NDRG4: variants seen among roughly 807,000 people sequenced by gnomAD.
The protein encoded by NDRG4 is protein NDRG4.
A neutral mutation model predicts 55.8 loss-of-function variants in NDRG4; 38 were observed. That is an observed-to-expected ratio of 0.68 (90% CI 0.53 to 0.89). The LOEUF (loss-of-function observed/expected upper bound fraction) is 0.89, where lower values mean the gene tolerates loss of function less well. Among genes scored for constraint, NDRG4 ranks in the 40% least tolerant of loss-of-function variants. The pLI is 0.00. For synonymous variants in NDRG4, 190 were observed against 182.7 expected (o/e 1.04, Z -0.32); for missense variants, 455 against 468.6 (o/e 0.97, Z 0.27).
chr16:58,505,120 T>C lies in NDRG4; in HGVS notation c.372+471T>C, dbSNP rs369762889. ...ATCCCAGCACTTTGGGAGGCCAAGGTGGGCAGATCACGAGGTCAGGAGATC... is the reference window on the plus strand; with the variant it reads ...ATCCCAGCACTTTGGGAGGCCAAGGCGGGCAGATCACGAGGTCAGGAGATC... On this transcript the variant is annotated intron_variant, in intron 5 of 14. Transcript: ENST00000570248. 1.6e-3 allele frequency among the ~76,000 whole-genome samples: 236 copies of C among 152,214 alleles called. No homozygotes were observed. In the East Asian group the frequency reaches 0.019, roughly 12 times the overall value.
At chr16:58,483,141 C>A (rs770416764) in intron 1 of NDRG4, among the ~76,000 whole-genome samples, 2 of 152,110 alleles carry the variant, frequency 1.3e-5, no homozygotes, top group Non-Finnish European at 2.9e-5. Context: ...AATTTGTTCT[C>A]CCGATTCAGC....
intron 2 of NDRG4, chr16:58,487,953 A>T: frequency 1.2e-6 from 1 of 844,084 alleles, no homozygotes. Flanking sequence ...CCCTAGGGCC[A>T]GCCACACCGA....
Position 58,464,750 on chromosome 16 carries a change from G to A in NDRG4, c.-24+953G>A. ...CGGAGCTCGGATTAGGACCCTGAAA[G>A]CTAGCTCAGGGCTCCTGCCCTCCAA... On this transcript the variant is annotated intron_variant, in intron 1 of 15. Coordinates refer to the NDRG4 transcript ENST00000258187. The surrounding 1 kb of genome is among the most constrained non-coding windows in gnomAD (Gnocchi z 4.8). 7.8e-7 allele frequency: 1 copy of A among 1,277,396 alleles called. No individual in the cohort carries two copies. Among genetic ancestry groups the A allele is most frequent in the Non-Finnish European group, 9.9e-7 (1 of 1,013,858 alleles). The allele number at this position is 1,277,396 out of a possible 1,614,324, so 79.1% of individuals were successfully genotyped here.
chr16:58,482,705 C>CTTCCTTCCTCCCTCCCTCCT (rs1567580773), intron 1 of NDRG4, among the ~76,000 whole-genome samples: 1 of 34,832 alleles, frequency 2.9e-5, no homozygotes, highest in Admixed American at 4.4e-4. Flanking sequence ...TCCTCCCTCC[C>CTTCCTTCCTCCCTCCCTCCT]TCCTTTCCTT....
At chr16:58,510,542 C>T in intron 13 of NDRG4, 103 bp from the exon 14 acceptor site, 1 of 991,488 alleles carries the variant, frequency 1.0e-6, no homozygotes, top group Non-Finnish European at 1.5e-6. Context: ...TTTGTCCCAT[C>T]TCTCTGGCTC....
chr16:58,474,453 C>T (rs540752335), intron 1 of NDRG4, among the ~76,000 whole-genome samples: 2 of 152,150 alleles, frequency 1.3e-5, no homozygotes, highest in African/African-American at 2.4e-5. Flanking sequence ...GACATCCCAA[C>T]GCTCGCTCCT....
intron 5 of NDRG4, 70 bp downstream of exon 5, chr16:58,504,719 G>C: frequency 6.4e-7 from 1 of 1,551,274 alleles, no homozygotes; most frequent in African/African-American, 1.4e-5. Flanking sequence ...GGTGGGGACT[G>C]GGGGGAACCC....
At chr16:58,506,162 G>GTGTGTGTGTGTGTGTGTA (rs1567347086) in intron 5 of NDRG4, 4 of 677,786 alleles carry the variant, frequency 5.9e-6, no homozygotes, top group African/African-American at 1.8e-5. Context: ...GTGTGTCTGT[G>GTGTGTGTGTGTGTGTGTA]TGTGTGTAGG....
In NDRG4 at chr16:58,511,755, C is replaced by T. The variant is rs952879801; in HGVS notation, c.*179C>T. 15 of 752,296 alleles carry T rather than the reference C, an allele frequency of 2.0e-5. No individual in the cohort carries two copies. Among genetic ancestry groups the T allele is most frequent in the African/African-American group, 1.9e-4 (11 of 57,898 alleles). The allele number at this position is 752,296 out of a possible 1,614,324, so 46.6% of individuals were successfully genotyped here. ...CAGTCTCCAGGTGTTTTAAGGGGCT[C>T]AGTCCTCCTCATCCCATCTCACTCT... On this transcript the variant is annotated 3_prime_UTR_variant, in exon 15 of 15. Coordinates refer to ENST00000570248, the MANE Select transcript of NDRG4 (RefSeq NM_001242835.2).
intron 10 of NDRG4, 54 bp from the exon 11 acceptor site, chr16:58,508,908 A>T: frequency 6.3e-7 from 1 of 1,598,474 alleles, no homozygotes; most frequent in Non-Finnish European, 8.5e-7. Context: ...CTGCCTTGGC[A>T]ATGGGGGTGG....
chr16:58,503,691 G>C, intron 1 of NDRG4, 107 bp from the exon 2 acceptor site: 2 of 1,557,326 alleles, frequency 1.3e-6, no homozygotes, highest in Non-Finnish European at 8.7e-7. Flanking sequence ...GCCCCAAGTA[G>C]GGGCTCTACC....
At chr16:58,465,180 C>T in intron 1 of NDRG4, 1 of 1,143,714 alleles carries the variant, frequency 8.7e-7, no homozygotes, top group Non-Finnish European at 1.2e-6. Flanking sequence ...CGGTTTCCTC[C>T]AGCTCTGGGA....
intron 1 of NDRG4, among the ~76,000 whole-genome samples, chr16:58,474,229 G>T (rs1032292240): frequency 2.6e-5 from 4 of 151,972 alleles, no homozygotes; most frequent in African/African-American, 9.7e-5. Flanking sequence ...TTTTAGTAGA[G>T]ACGGGGTTTC....
intron 1 of NDRG4, chr16:58,502,179 C>A: frequency 2.6e-6 from 1 of 381,020 alleles, no homozygotes; most frequent in Admixed American, 2.7e-5. Context: ...GCCTCAATTT[C>A]CTCCTCTATG....
intron 2 of NDRG4, among the ~76,000 whole-genome samples, chr16:58,489,503 G>A (rs1439568216): frequency 1.3e-5 from 2 of 151,668 alleles, no homozygotes; most frequent in Non-Finnish European, 2.9e-5. Context: ...TTTTATTCAG[G>A]CCTCTGCTCA....
At chr16:58,503,742 AGAG>A (rs1567338595) in intron 1 of NDRG4, 53 bp from the exon 2 acceptor site, 1 of 1,609,278 alleles carries the variant, frequency 6.2e-7, no homozygotes. Context: ...CTCATTCCCC[AGAG>A]GAGCCAAGAG....
chr16:58,501,814 C>T (rs1051108071), intron 1 of NDRG4: 77 of 358,876 alleles, frequency 2.1e-4, no homozygotes, highest in Admixed American at 8.2e-4. Flanking sequence ...ACAGTGGGGC[C>T]TCCTCAGCAG....
upstream of NDRG4, among the ~76,000 whole-genome samples, chr16:58,496,582 A>G (rs1194038231): frequency 6.6e-6 from 1 of 151,966 alleles, no homozygotes; most frequent in East Asian, 1.9e-4. Flanking sequence ...AGGGACTAAC[A>G]TGAGCCAGAC....
In NDRG4 at chr16:58,511,968, C is replaced by T. The variant is rs2038854557; in HGVS notation, c.*392C>T. The T allele has an allele frequency of 1.1e-5, 5 of 461,484 alleles. No individual in the cohort carries two copies. Among genetic ancestry groups the T allele is most frequent in the Admixed American group, 9.4e-5 (4 of 42,428 alleles). The allele number at this position is 461,484 out of a possible 1,614,324, so 28.6% of individuals were successfully genotyped here. ...GTGCTGGGCCACAGGGGTGCGGGGC[C>T]AGCTCAGGCACTGGCGTGGGAGCCC... On this transcript the variant is annotated 3_prime_UTR_variant, in exon 15 of 15. Transcript: ENST00000570248.
Sources: gnomAD v4.1 joint callset for allele counts (sites outside exome capture counted in the v4.1 genomes callset) on GRCh38, gnomAD v4.1.1 for gene constraint, Gnocchi (gnomAD v3.1) non-coding constraint, MANE v1.5 for transcripts, NCBI Gene and HGNC (gene_info 2026-07-23, HGNC 2026-07-21) for gene names.